The following FOXP2 variants were observed in gnomAD, a reference collection of about 807,000 sequenced individuals.
FOXP2 encodes the protein forkhead box protein P2.
A neutral mutation model predicts 115.8 loss-of-function variants in FOXP2; 12 were observed. The ratio of observed to expected loss-of-function variants is 0.10; its 90% CI spans 0.07 to 0.17. FOXP2 has a LOEUF of 0.17. FOXP2 is among the 10% of genes least tolerant of loss of function. The probability of loss-of-function intolerance (pLI) is 1.00; values close to 1 mark genes in which losing one functional copy is unlikely to be tolerated. For missense variants in FOXP2, 629 were observed against 843.5 expected (o/e 0.75, Z 3.15); for synonymous variants, 328 against 297.7 (o/e 1.10, Z -1.05).
intron 2 of FOXP2, among the ~76,000 whole-genome samples, chr7:114,517,112 C>T (rs1235187524): frequency 6.6e-6 from 1 of 151,836 alleles, no homozygotes. Context: ...TGATGTTGAG[C>T]ATTTTTTATA....
intron 2 of FOXP2, among the ~76,000 whole-genome samples, chr7:114,368,977 G>A (rs1791943337): frequency 6.6e-6 from 1 of 152,120 alleles, no homozygotes; most frequent in Non-Finnish European, 1.5e-5. Flanking sequence ...TGCTTTGCAT[G>A]GCTTCAGCTG....
At chr7:114,659,896 A>G (rs567242024) in intron 13 of FOXP2, among the ~76,000 whole-genome samples, 3 of 152,344 alleles carry the variant, frequency 2.0e-5, no homozygotes, top group African/African-American at 7.2e-5. Flanking sequence ...GAGGCTTGGC[A>G]GAGAAACGAG....
intron 1 of FOXP2, among the ~76,000 whole-genome samples, chr7:114,141,271 A>C (rs115832108): frequency 0.031 from 4,732 of 152,250 alleles, 93 homozygotes; most frequent in African/African-American, 0.051. Flanking sequence ...GAAAAGAAGC[A>C]TTTCCCCCAA....
chr7:114,229,749 C>A (rs1794828052), intron 1 of FOXP2, among the ~76,000 whole-genome samples: 1 of 150,146 alleles, frequency 6.7e-6, no homozygotes, highest in Admixed American at 6.6e-5. Flanking sequence ...AAAAGCAATA[C>A]CAAGAGAGAA....
intron 1 of FOXP2, among the ~76,000 whole-genome samples, chr7:114,141,949 TTGTTC>T (rs1050322746): frequency 6.6e-6 from 1 of 152,220 alleles, no homozygotes; most frequent in African/African-American, 2.4e-5. Flanking sequence ...GTTGGACTTT[TTGTTC>T]TGTTCTTTCC....
Position 114,629,796 on chromosome 7 carries a change from T to G in FOXP2, c.397-9T>G. ...CCTTTATTTATTAAAGTCAAAATGG[T>G]TTATTCAGCAACAACTACAAGAGTT... On this transcript the variant is annotated splice_polypyrimidine_tract_variant and intron_variant, in intron 4 of 16. Coordinates refer to ENST00000350908, the MANE Select transcript of FOXP2 (RefSeq NM_014491.4). 1 of 1,613,736 alleles carries G rather than the reference T, an allele frequency of 6.2e-7. No homozygotes were observed. The highest frequency in any genetic ancestry group is 8.5e-7 in the Non-Finnish European group (1 of 1,179,948).
Position 114,552,783 on chromosome 7 carries a change from G to T in FOXP2, c.258+18077G>T, listed in dbSNP as rs764442199. On this transcript the variant is annotated intron_variant, in intron 3 of 16. Transcript: ENST00000350908. ...CTGTGTGTTCAATTATATATGTAAG[G>T]TTTTTAATGAAGAAAAATAAAATAA... 4.6e-5 allele frequency among the ~76,000 whole-genome samples: 7 copies of T among 151,976 alleles called. No individual in the cohort carries two copies. The East Asian group carries it at 1.3e-3, about 29-fold the overall frequency.
chr7:114,393,361 T>G (rs1462728972), intron 2 of FOXP2, among the ~76,000 whole-genome samples: 1 of 152,054 alleles, frequency 6.6e-6, no homozygotes, highest in Admixed American at 6.6e-5. Flanking sequence ...GGTAGGTGTC[T>G]GTTCCAGCAG....
chr7:114,633,496 G>T lies in FOXP2; in HGVS notation c.775+1791G>T, dbSNP rs562130815. ...AGCAGAAAATTTATATTTTAAAAAGGAAAAAAGATGAAATCACTCAACTAT... is the reference window on the plus strand; with the variant it reads ...AGCAGAAAATTTATATTTTAAAAAGTAAAAAAGATGAAATCACTCAACTAT... On this transcript the variant is annotated intron_variant, in intron 6 of 16. Coordinates refer to ENST00000350908, the MANE Select transcript of FOXP2 (RefSeq NM_014491.4). Among the ~76,000 whole-genome samples, 54 of 151,948 alleles carry T rather than the reference G, an allele frequency of 3.6e-4. 1 individual carries two copies. The highest frequency in any genetic ancestry group is 7.1e-4 in the Non-Finnish European group (48 of 67,982).
chr7:114,439,582 C>G (rs1439094858), intron 2 of FOXP2, among the ~76,000 whole-genome samples: 4 of 151,622 alleles, frequency 2.6e-5, no homozygotes, highest in African/African-American at 9.7e-5. Context: ...ATTTTTTTGA[C>G]CCAGGCTGGA....
At chr7:114,616,091 G>A (rs1317928603) in intron 3 of FOXP2, among the ~76,000 whole-genome samples, 1 of 152,068 alleles carries the variant, frequency 6.6e-6, no homozygotes, top group East Asian at 1.9e-4. Flanking sequence ...TTTATGTCTT[G>A]TTCTTGTAGA....
At chr7:114,276,610 A>T (rs1796195070) in intron 1 of FOXP2, among the ~76,000 whole-genome samples, 1 of 152,132 alleles carries the variant, frequency 6.6e-6, no homozygotes, top group African/African-American at 2.4e-5. Flanking sequence ...TTATCCTTTT[A>T]GGATTGTCCT....
At chr7:114,456,313 A>G (rs367940767) in intron 2 of FOXP2, among the ~76,000 whole-genome samples, 2 of 152,196 alleles carry the variant, frequency 1.3e-5, no homozygotes, top group Admixed American at 6.5e-5. Flanking sequence ...GTGTAATCAA[A>G]TCTGCAGTTT....
chr7:114,406,171 T>C (rs1793033089), intron 2 of FOXP2, among the ~76,000 whole-genome samples: 1 of 151,964 alleles, frequency 6.6e-6, no homozygotes, highest in Non-Finnish European at 1.5e-5. Flanking sequence ...GTCAAAGTTT[T>C]AGCAAATTAA....
At chr7:114,329,729 G>A (rs1387822386) in intron 2 of FOXP2, among the ~76,000 whole-genome samples, 3 of 150,946 alleles carry the variant, frequency 2.0e-5, no homozygotes, top group Non-Finnish European at 3.0e-5. Flanking sequence ...CAGGCTGGAG[G>A]GCAGTGGCGC....
At chr7:114,381,292 G>A (rs918130752) in intron 2 of FOXP2, among the ~76,000 whole-genome samples, 5 of 152,166 alleles carry the variant, frequency 3.3e-5, no homozygotes, top group African/African-American at 1.2e-4. Flanking sequence ...TGAGCCTTTG[G>A]TTTGGAAACC....
chr7:114,370,514 G>A (rs189100639), intron 2 of FOXP2, among the ~76,000 whole-genome samples: 21 of 152,168 alleles, frequency 1.4e-4, no homozygotes, highest in African/African-American at 5.1e-4. Context: ...TCAACATGAT[G>A]TCTGAGCCTG....
chr7:114,232,825 A>G (rs1230977883), intron 1 of FOXP2, among the ~76,000 whole-genome samples: 1 of 152,116 alleles, frequency 6.6e-6, no homozygotes, highest in Non-Finnish European at 1.5e-5. Flanking sequence ...AAAAAAAAAA[A>G]AAATTGTTCA....
chr7:114,597,758 A>T (rs1802804688), intron 3 of FOXP2, among the ~76,000 whole-genome samples: 1 of 152,162 alleles, frequency 6.6e-6, no homozygotes, highest in South Asian at 2.1e-4. Context: ...CTTTGGCAAG[A>T]TATATTGCTT....
Sources: gnomAD v4.1 joint callset for allele counts (sites outside exome capture counted in the v4.1 genomes callset) on GRCh38, gnomAD v4.1.1 for gene constraint, MANE v1.5 for transcripts, NCBI Gene and HGNC (gene_info 2026-07-23, HGNC 2026-07-21) for gene names.